OTP: variants seen among roughly 807,000 people sequenced by gnomAD.
OTP encodes the protein orthopedia homeobox, also known as homeobox protein orthopedia.
OTP carries 5 observed loss-of-function variants against 22.3 expected under a neutral mutation model. That is an observed-to-expected ratio of 0.22 (90% confidence interval 0.12 to 0.47). The LOEUF (loss-of-function observed/expected upper bound fraction) is 0.47, where lower values mean the gene tolerates loss of function less well. OTP is among the 20% of genes least tolerant of loss of function. The pLI, the probability that OTP is intolerant of heterozygous loss-of-function variation, is 0.99. For missense variants in OTP, 428 were observed against 456.2 expected (o/e 0.94, Z 0.56); for synonymous variants, 229 against 210.6 (o/e 1.09, Z -0.76).
chr5:77,631,392 T>G (rs1314596913), intron 2 of OTP, among the ~76,000 whole-genome samples: 1 of 152,010 alleles, frequency 6.6e-6, no homozygotes, highest in African/African-American at 2.4e-5. Flanking sequence ...TGAGCTACAG[T>G]GTTGTTTGGG....
At position 77,636,969 on chromosome 5, in the gene OTP, C is replaced by T; in HGVS notation, c.299G>A (p.Gly100Asp). 1 of 1,614,006 alleles carries T rather than the reference C, an allele frequency of 6.2e-7. No individual in the cohort carries two copies. Among genetic ancestry groups the T allele is most frequent in the Non-Finnish European group, 8.5e-7 (1 of 1,179,968 alleles). Reference sequence around the variant, plus strand: ...CCGGTGGCGCTTCTGCTTCTGTTGGCCCTGCTGCTGGCCGGCTTGGCTGGG... The same window carrying T: ...CCGGTGGCGCTTCTGCTTCTGTTGGTCCTGCTGCTGGCCGGCTTGGCTGGG... ...PNPSQAGQQQGQQKQKRHRTR... is the reference protein window; with the variant it reads ...PNPSQAGQQQDQQKQKRHRTR... Residue 100 changes from glycine (G) to aspartate (D), a missense_variant, in exon 2 of 3, where the codon GGC becomes GAC. Coordinates refer to ENST00000306422, the MANE Select transcript of OTP (RefSeq NM_032109.3).
intron 2 of OTP, among the ~76,000 whole-genome samples, chr5:77,633,786 C>T (rs947075976): frequency 6.6e-6 from 1 of 152,058 alleles, no homozygotes; most frequent in African/African-American, 2.4e-5. Flanking sequence ...CTTTTTCCCC[C>T]CTTGAAGCAA....
chr5:77,631,551 CTTTTT>C (rs70988699), intron 2 of OTP, among the ~76,000 whole-genome samples: 2 of 74,232 alleles, frequency 2.7e-5, no homozygotes, highest in Non-Finnish European at 4.8e-5. Context: ...CAACCCTATT[CTTTTT>C]TTTTTTTTTT....
chr5:77,638,261 A>C (rs1413920617), intron 1 of OTP, among the ~76,000 whole-genome samples: 2 of 143,610 alleles, frequency 1.4e-5, no homozygotes, highest in Non-Finnish European at 3.1e-5. Context: ...AAAAAAAAAA[A>C]AGGCGGGGGA....
intron 1 of OTP, among the ~76,000 whole-genome samples, chr5:77,637,856 A>G (rs765958866): frequency 5.3e-5 from 8 of 152,200 alleles, no homozygotes; most frequent in Non-Finnish European, 8.8e-5. Context: ...AGATAGCATT[A>G]AGGAAACTCG....
chr5:77,637,466 G>A (rs1019730793), intron 1 of OTP, among the ~76,000 whole-genome samples: 3 of 152,182 alleles, frequency 2.0e-5, no homozygotes, highest in Non-Finnish European at 4.4e-5. Flanking sequence ...AACAGCACAA[G>A]CTTTCGTCTC....
In OTP at chr5:77,638,546, G is replaced by A. The variant is rs760531567; in HGVS notation, c.4C>T (p.Leu2=). 39 of 1,572,602 alleles carry A rather than the reference G, an allele frequency of 2.5e-5. No individual in the cohort carries two copies. The highest frequency in any genetic ancestry group is 3.0e-5 in the Non-Finnish European group (35 of 1,162,618). Residue 2 remains leucine, a synonymous_variant, in exon 1 of 3, where the codon CTG becomes TTG. Transcript: ENST00000306422. ...GCGTCCAGGAGGTCGGCATGAGACA[G>A]CATCGCGCACCGCTCCAGGGCGAAA... M[L]SHADLLDARL... is the part of the protein sequence containing the mutation.
chr5:77,631,578 A>G (rs1222628804), intron 2 of OTP, among the ~76,000 whole-genome samples: 5 of 39,196 alleles, frequency 1.3e-4, no homozygotes, highest in African/African-American at 4.1e-4. Flanking sequence ...TTTTTTTTTG[A>G]GACGGAGTCT....
rs768125959 is a variant in OTP, at chr5:77,636,810, GC to G, written c.447+10del. The G allele has an allele frequency of 1.9e-6, 3 of 1,600,474 alleles. No individual in the cohort carries two copies. The highest frequency in any genetic ancestry group is 2.6e-6 in the Non-Finnish European group (3 of 1,171,586). ...CCTTGCCTTCTGTCCCAGATCCCAA[GC>G]CCCTCGTACCTGCACTCGGGACTCG... On this transcript the variant is annotated intron_variant, in intron 2 of 2. Coordinates refer to ENST00000306422, the MANE Select transcript of OTP (RefSeq NM_032109.3).
chr5:77,633,626 G>T (rs1359757514), intron 2 of OTP, among the ~76,000 whole-genome samples: 1 of 152,114 alleles, frequency 6.6e-6, no homozygotes, highest in Non-Finnish European at 1.5e-5. Context: ...TCTAATGGAG[G>T]TTGGAATCTA....
rs1745011886 is a variant in OTP at position 77,636,647 on chromosome 5, G to A, written c.447+174C>T. 19 of 617,138 alleles carry A rather than the reference G, an allele frequency of 3.1e-5. No individual in the cohort carries two copies. The South Asian group carries it at 3.8e-4, about 12-fold the overall frequency. 38.2% of individuals were successfully genotyped at this position (617,138 alleles called of 1,614,324 possible). A position where few individuals can be genotyped will look rare whatever the true frequency, so the allele number is the denominator to read the frequency against. The stretch of plus-strand genomic sequence containing the variant: ...GACGGGCCTTGCGTGTCCATTGGGG[G>A]ATGGCGATGGGGACCAGTTTCCGGG... On this transcript the variant is annotated intron_variant, in intron 2 of 2. Coordinates refer to ENST00000306422, the MANE Select transcript of OTP (RefSeq NM_032109.3).
Position 77,630,571 on chromosome 5 carries a change from G to T in OTP, c.671C>A (p.Pro224Gln). The T allele has an allele frequency of 6.4e-7, 1 of 1,563,612 alleles. No individual in the cohort carries two copies. Among genetic ancestry groups the T allele is most frequent in the Non-Finnish European group, 8.6e-7 (1 of 1,159,334 alleles). Residue 224 changes from proline (P) to glutamine (Q), a missense_variant, in exon 3 of 3, where the codon CCG becomes CAG. Coordinates refer to ENST00000306422, the MANE Select transcript of OTP (RefSeq NM_032109.3). ...MPGVSQLPLP[P>Q]ALGRQQAMAQ... ...CATGGCCTGCTGCCTGCCCAGCGCC[G>T]GCGGCAGAGGCAGCTGTGACACGCC...
At chr5:77,634,094 T>C (rs1490776087) in intron 2 of OTP, among the ~76,000 whole-genome samples, 1 of 152,246 alleles carries the variant, frequency 6.6e-6, no homozygotes, top group Non-Finnish European at 1.5e-5. Context: ...TTTGTTCATA[T>C]AAAATATTGA....
intron 2 of OTP, among the ~76,000 whole-genome samples, chr5:77,631,809 C>A (rs1466664816): frequency 1.3e-5 from 2 of 151,854 alleles, no homozygotes; most frequent in African/African-American, 2.4e-5. Context: ...GTGATCCACC[C>A]GCCTCGGCCT....
intron 1 of OTP, among the ~76,000 whole-genome samples, chr5:77,637,704 T>C (rs1745032452): frequency 6.6e-6 from 1 of 152,164 alleles, no homozygotes; most frequent in Admixed American, 6.5e-5. Context: ...TTTCGGAAGA[T>C]GAATAAGCCT....
chr5:77,633,090 C>G (rs531383512), intron 2 of OTP, among the ~76,000 whole-genome samples: 1 of 152,192 alleles, frequency 6.6e-6, no homozygotes, highest in Admixed American at 6.5e-5. Flanking sequence ...CCTGCAAGTG[C>G]CAGTGAATCC....
chr5:77,636,262 T>G (rs1486714231), intron 2 of OTP: 1 of 152,392 alleles, frequency 6.6e-6, no homozygotes, highest in Non-Finnish European at 1.5e-5. Flanking sequence ...CTTGCAAACA[T>G]CAAAGCTAGG....
In OTP at chr5:77,628,714, A is replaced by G. The variant is rs996520977; in HGVS notation, c.*1550T>C. ...ACCAAAACCCATCATTCTCTATATC[A>G]CATACTGAAAATGATTTTATTTTAT... On this transcript the variant is annotated 3_prime_UTR_variant, in exon 3 of 3. Coordinates refer to ENST00000306422, the MANE Select transcript of OTP (RefSeq NM_032109.3). 8 of 151,476 alleles carry G rather than the reference A, an allele frequency of 5.3e-5. No individual in the cohort carries two copies. The highest frequency in any genetic ancestry group is 8.8e-5 in the Non-Finnish European group (6 of 67,980). The allele number at this position is 151,476 out of a possible 1,614,324, so 9.4% of individuals were successfully genotyped here.
rs1744902215 is a variant in OTP, at chr5:77,630,177, G to T, written c.*87C>A. 4 of 859,884 alleles carry T rather than the reference G, an allele frequency of 4.7e-6. No individual in the cohort carries two copies. The highest frequency in any genetic ancestry group is 4.6e-6 in the Non-Finnish European group (3 of 647,800). The allele number at this position is 859,884 out of a possible 1,614,324, so 53.3% of individuals were successfully genotyped here. On this transcript the variant is annotated 3_prime_UTR_variant, in exon 3 of 3. Coordinates refer to ENST00000306422, the MANE Select transcript of OTP (RefSeq NM_032109.3). ...GAAGGCCGGGGCGGGACGGGGCAGG[G>T]CGCCGGGGTCCGGGTGCGCGCCGGA...
Sources: gnomAD v4.1 joint callset for allele counts (sites outside exome capture counted in the v4.1 genomes callset) on GRCh38, gnomAD v4.1.1 for gene constraint, MANE v1.5 for transcripts, NCBI Gene and HGNC (gene_info 2026-07-23, HGNC 2026-07-21) for gene names.